Variants in MGA observed in about 807,000 individuals in gnomAD.
MGA encodes the protein MAX gene-associated protein.
A neutral mutation model predicts 261.1 loss-of-function variants in MGA; 40 were observed. The observed-to-expected ratio is 0.15, with a 90% CI of 0.12 to 0.20. The LOEUF is 0.20. Ranked by LOEUF, MGA falls within the 10% of genes least tolerant of loss-of-function variation. The probability of loss-of-function intolerance (pLI) is 1.00; values close to 1 mark genes in which losing one functional copy is unlikely to be tolerated. For missense variants in MGA, 3,397 were observed against 3,630.5 expected, an observed-to-expected ratio of 0.94 and a Z score of 1.65; for synonymous variants, 1,302 against 1,290.6, an observed-to-expected ratio of 1.01 and a Z score of -0.19.
chr15:41,624,785 A>G (rs1187327402), intron 1 of MGA, among the ~76,000 whole-genome samples: 1 of 152,150 alleles, frequency 6.6e-6, no homozygotes, highest in Non-Finnish European at 1.5e-5. Flanking sequence ...TAAATATTAA[A>G]ATATAAAACG....
intron 18 of MGA, 138 bp downstream of exon 18, chr15:41,754,705 G>C: frequency 1.0e-6 from 1 of 964,420 alleles, no homozygotes; most frequent in Non-Finnish European, 1.4e-6. Context: ...GTATAGATGA[G>C]GAGAGGAACT....
intron 9 of MGA, among the ~76,000 whole-genome samples, chr15:41,715,137 CT>C (rs766195852): frequency 2.7e-3 from 336 of 124,540 alleles, no homozygotes; most frequent in Admixed American, 6.9e-3. Flanking sequence ...TGGTTTCTGT[CT>C]TTTTTTTTTT....
chr15:41,735,679 G>A (rs2151786368), intron 12 of MGA, among the ~76,000 whole-genome samples: 1 of 151,890 alleles, frequency 6.6e-6, no homozygotes, highest in South Asian at 2.1e-4. Context: ...AGAGGTTGCA[G>A]TGAGCTATCA....
intron 14 of MGA, among the ~76,000 whole-genome samples, chr15:41,741,690 T>G (rs1280727428): frequency 1.3e-5 from 2 of 152,140 alleles, no homozygotes; most frequent in East Asian, 3.9e-4. Context: ...CAAAAGAATT[T>G]TAGTAGGAAC....
chr15:41,666,120 C>T (rs1392667617), intron 1 of MGA, among the ~76,000 whole-genome samples: 1 of 148,292 alleles, frequency 6.7e-6, no homozygotes, highest in African/African-American at 2.5e-5. Flanking sequence ...GTCTTGAACT[C>T]TTGACCTCAA....
In MGA at chr15:41,768,665, T is replaced by G. The variant is rs1368592472; in HGVS notation, c.*1385T>G. The G allele has an allele frequency of 6.6e-6, 1 of 152,660 alleles. No individual in the cohort carries two copies. The highest frequency in any genetic ancestry group is 6.5e-5 in the Admixed American group (1 of 15,280). The allele number at this position is 152,660 out of a possible 1,614,324, so 9.5% of individuals were successfully genotyped here. On this transcript the variant is annotated 3_prime_UTR_variant, in exon 24 of 24. Transcript: ENST00000219905. ...TCTTCATTGACAGGATTTGCTTGTG[T>G]TGTTAAAACACTAACACAAGAGCTT...
rs1357318695 is a variant in MGA at position 41,749,140 on chromosome 15, C to T, written c.5533C>T (p.Pro1845Ser). The T allele has an allele frequency of 1.2e-5, 20 of 1,613,472 alleles. No homozygotes were observed. Among genetic ancestry groups the T allele is most frequent in the East Asian group, 2.2e-5 (1 of 44,888 alleles). Residue 1845 changes from proline to serine, a missense_variant, in exon 17 of 24, where the codon CCT (proline) becomes TCT (serine). Around this residue, in one of 9 missense-constraint regions of MGA, gnomAD observed 1,410 missense variants for 1,386.4 expected, o/e 1.02. Coordinates refer to ENST00000219905, the MANE Select transcript of MGA (RefSeq NM_001164273.2). ...TGTGATGGGAATCCGGTTACCTGCTCCTTCCAAACCCTCTGAGACTCCGCC... is the reference window on the plus strand; with the variant it reads ...TGTGATGGGAATCCGGTTACCTGCTTCTTCCAAACCCTCTGAGACTCCGCC...
Position 41,750,599 on chromosome 15 carries a change from T to C in MGA, c.6992T>C (p.Val2331Ala), listed in dbSNP as rs1049159324. ...GTTTCTGACTACCAGAGTGAGGAGG[T>C]TGATGATGTAGAAAAGGTGGTGAGC... Residue 2331 changes from valine (V) to alanine (A), a missense_variant, in exon 17 of 24, where the codon GTT (valine) becomes GCT (alanine). Val to Ala is a moderately conservative substitution (Grantham distance 64). Transcript: ENST00000219905. The C allele has an allele frequency of 6.2e-6, 10 of 1,606,902 alleles. No homozygotes were observed. The African/African-American group carries it at 8.0e-5, about 13-fold the overall frequency.
At chr15:41,760,279 A>G (rs754744072) in intron 19 of MGA, 44 bp from the exon 20 acceptor site, 1 of 1,587,750 alleles carries the variant, frequency 6.3e-7, no homozygotes, top group Non-Finnish European at 8.6e-7. Flanking sequence ...TAAGAGGGCC[A>G]ACTACATGTT....
At position 41,653,947 on chromosome 15, in the gene MGA, A is replaced by G. The variant is rs546757889; in HGVS notation, c.-67-14881A>G. Among the ~76,000 whole-genome samples the G allele has an allele frequency of 3.9e-5, 6 of 152,168 alleles. No homozygotes were observed. In the South Asian group the frequency reaches 6.2e-4, roughly 16 times the overall value. ...ACTACACTGTTCTGTACCGTTACCA[A>G]AGTTCCAGGATCTTGCCCCACCGTA... On this transcript the variant is annotated intron_variant, in intron 1 of 8. Coordinates refer to the MGA transcript ENST00000566718.
At chr15:41,622,826 T>C (rs911149244) in intron 1 of MGA, among the ~76,000 whole-genome samples, 1 of 152,216 alleles carries the variant, frequency 6.6e-6, no homozygotes, top group Non-Finnish European at 1.5e-5. Context: ...GGTCAAGCCA[T>C]TGGTGAAGAA....
chr15:41,624,216 C>T (rs141156824), intron 1 of MGA, among the ~76,000 whole-genome samples: 1 of 151,404 alleles, frequency 6.6e-6, no homozygotes, highest in East Asian at 1.9e-4. Flanking sequence ...AGGTGCAGGC[C>T]ACCACACCCA....
rs1288985796 is a variant in MGA at position 41,754,789 on chromosome 15, G to A, written c.7139+222G>A. 2.6e-5 allele frequency among the ~76,000 whole-genome samples: 4 copies of A among 152,090 alleles called. No homozygotes were observed. The East Asian group carries it at 5.8e-4, about 22-fold the overall frequency. On this transcript the variant is annotated intron_variant, in intron 18 of 23. Transcript: ENST00000219905. ...TAAATGTGAATAACATGCTTTTGGA[G>A]CCCGATAGACTGGTATTATAAAATA... is the stretch of plus-strand genomic sequence containing the variant.
intron 5 of MGA, among the ~76,000 whole-genome samples, chr15:41,703,164 G>A (rs1309293693): frequency 6.6e-6 from 1 of 152,058 alleles, no homozygotes; most frequent in Admixed American, 6.6e-5. Flanking sequence ...GTCTCCTTAG[G>A]ATCTTCCTGG....
intron 1 of MGA, among the ~76,000 whole-genome samples, chr15:41,650,546 A>T (rs1259595765): frequency 6.6e-6 from 1 of 151,842 alleles, no homozygotes; most frequent in Non-Finnish European, 1.5e-5. Context: ...CAAGCAATTC[A>T]TCTGTCTCAG....
chr15:41,766,204 G>C lies in MGA; in HGVS notation c.8122G>C (p.Asp2708His). Reference sequence around the variant, plus strand: ...TAGAATCTCTTCCAGAGGAAACAGAGATGGCAGAGTGACGTTGGGTCCAAC... The same window carrying C: ...TAGAATCTCTTCCAGAGGAAACAGACATGGCAGAGTGACGTTGGGTCCAAC... The change falls in exon 24 of 24, where the codon GAT (aspartate) becomes CAT (histidine). Residue 2708 changes from aspartate (D) to histidine (H), a missense_variant. Asp to His is a moderately conservative substitution (Grantham distance 81). Around this residue, in one of 9 missense-constraint regions of MGA, gnomAD observed 647 missense variants for 642.4 expected, o/e 1.01. Coordinates refer to ENST00000219905, the MANE Select transcript of MGA (RefSeq NM_001164273.2). 6.2e-7 allele frequency: 1 copy of C among 1,613,984 alleles called. No individual in the cohort carries two copies. Among genetic ancestry groups the C allele is most frequent in the Non-Finnish European group, 8.5e-7 (1 of 1,179,872 alleles).
chr15:41,707,629 A>T, intron 5 of MGA, 99 bp from the exon 6 acceptor site: 1 of 1,138,326 alleles, frequency 8.8e-7, no homozygotes, highest in East Asian at 2.6e-5. Context: ...TCTCGACCTT[A>T]CCCCCCCGCC....
In MGA at chr15:41,769,319, TAAG is replaced by T. The variant is rs1257530043; in HGVS notation, c.*2045_*2047del. 4.4e-5 allele frequency: 6 copies of T among 136,390 alleles called. No individual in the cohort carries two copies. Among genetic ancestry groups the T allele is most frequent in the Non-Finnish European group, 6.3e-5 (4 of 63,024 alleles). The allele number at this position is 136,390 out of a possible 1,614,324, so 8.4% of individuals were successfully genotyped here. A position where few individuals can be genotyped will look rare whatever the true frequency, so the allele number is the denominator to read the frequency against. On this transcript the variant is annotated 3_prime_UTR_variant, in exon 24 of 24. Coordinates refer to ENST00000219905, the MANE Select transcript of MGA (RefSeq NM_001164273.2). ...ACTTCCTTTTTTTTTTTTTTTTTTT[TAAG>T]AAGAATATAGGTAAACAGGTAATGA...
At chr15:41,757,183 G>A (rs1018188994) in intron 18 of MGA, among the ~76,000 whole-genome samples, 47 of 152,128 alleles carry the variant, frequency 3.1e-4, no homozygotes, top group Non-Finnish European at 6.6e-4. Flanking sequence ...CTCCTTCACG[G>A]ATGGGAAGAC....
Sources: allele counts gnomAD v4.1 joint callset (sites outside exome capture counted in the v4.1 genomes callset), GRCh38; gene constraint gnomAD v4.1.1; regional missense constraint gnomAD v4.1.1; transcripts MANE v1.5; gene names NCBI Gene and HGNC (gene_info 2026-07-23, HGNC 2026-07-21).